VPS16: variants seen among roughly 807,000 people sequenced by gnomAD.
VPS16 encodes the protein VPS16 core subunit of CORVET and HOPS complexes, also known as vacuolar protein sorting-associated protein 16 homolog.
A neutral mutation model predicts 116.0 loss-of-function variants in VPS16; 82 were observed. The observed-to-expected ratio is 0.71, with a 90% CI of 0.59 to 0.85. The LOEUF (loss-of-function observed/expected upper bound fraction) is 0.85, where lower values mean the gene tolerates loss of function less well. Among genes scored for constraint, VPS16 ranks in the 40% least tolerant of loss-of-function variants. The pLI is 0.00. For missense variants in VPS16, 928 were observed against 1,090.6 expected, an observed-to-expected ratio of 0.85 and a Z score of 2.10; for synonymous variants, 406 against 420.7, an observed-to-expected ratio of 0.96 and a Z score of 0.43.
At position 2,860,878 on chromosome 20, in the gene VPS16, T is replaced by G; in HGVS notation, c.630+15T>G. 2 of 1,613,832 alleles carry G rather than the reference T, an allele frequency of 1.2e-6. No individual in the cohort carries two copies. The highest frequency in any genetic ancestry group is 1.7e-6 in the Non-Finnish European group (2 of 1,179,966). Reference sequence around the variant, plus strand: ...GCTCCGCAGTGGTAAGGGCCCTGAGTGGGAATGAAGTGGACGGGCTGGGTT... The same window carrying G: ...GCTCCGCAGTGGTAAGGGCCCTGAGGGGGAATGAAGTGGACGGGCTGGGTT... On this transcript the variant is annotated intron_variant, in intron 6 of 23. Transcript: ENST00000380445. The surrounding 1 kb of genome is among the most constrained non-coding windows in gnomAD (Gnocchi z 6.1).
At position 2,863,080 on chromosome 20, in the gene VPS16, C is replaced by T; in HGVS notation, c.1347C>T (p.Thr449=). The T allele has an allele frequency of 6.2e-7, 1 of 1,614,060 alleles. No homozygotes were observed. The highest frequency in any genetic ancestry group is 1.1e-5 in the South Asian group (1 of 91,088). ...PLTYSQYKQL[T]IQVLLDRLVL... ...GAAAATACAGATATAAGCAGCTCAC[C>T]ATCCAGGTGCTGCTGGACAGGTAGG... The change falls in exon 14 of 24, where the codon ACC becomes ACT. Residue 449 remains threonine (T), a synonymous_variant. Coordinates refer to ENST00000380445, the MANE Select transcript of VPS16 (RefSeq NM_022575.4). The surrounding 1 kb of genome is among the most constrained non-coding windows in gnomAD (Gnocchi z 4.4).
At position 2,860,763 on chromosome 20, in the gene VPS16, C is replaced by G. The variant is rs373557836; in HGVS notation, c.530C>G (p.Pro177Arg). Reference sequence around the variant, plus strand: ...CTGGCCATAGGTCTGCAAAGTGCACCCTCCTGCTGGACTGTGCTGTGCCAG... The same window carrying G: ...CTGGCCATAGGTCTGCAAAGTGCACGCTCCTGCTGGACTGTGCTGTGCCAG... ...MPEVPGLQSAPSCWTVLCQDR... is the reference protein window; with the variant it reads ...MPEVPGLQSARSCWTVLCQDR... Residue 177 changes from proline to arginine, a missense_variant, in exon 6 of 24, where the codon CCC becomes CGC. Physicochemically the swap from Pro to Arg is moderately radical, Grantham distance 103. Coordinates refer to ENST00000380445, the MANE Select transcript of VPS16 (RefSeq NM_022575.4). This position sits in a 1 kb window ranked among gnomAD's most constrained non-coding sequence, Gnocchi z 6.1. The G allele has an allele frequency of 5.6e-6, 9 of 1,613,938 alleles. No individual in the cohort carries two copies. The highest frequency in any genetic ancestry group is 5.5e-5 in the South Asian group (5 of 91,092).
chr20:2,841,813 A>T (rs2088978331), intron 1 of VPS16, among the ~76,000 whole-genome samples: 1 of 150,526 alleles, frequency 6.6e-6, no homozygotes, highest in Non-Finnish European at 1.5e-5. Flanking sequence ...GCTGGAGTGC[A>T]GGGGCACTCG....
Position 2,864,371 on chromosome 20 carries a change from C to A in VPS16, c.1727C>A (p.Thr576Lys). ...IESGDTDLVF[T>K]VLLHLKNELN... ...CCACCTTACTCTCCTGCAGTGTTCA[C>A]GGTGTTGCTGCACCTGAAGAACGAG... Residue 576 changes from threonine to lysine, a missense_variant, in exon 18 of 24, where the codon ACG becomes AAG. Physicochemically the swap from Thr to Lys is moderately conservative, Grantham distance 78 (BLOSUM62 -1). Coordinates refer to ENST00000380445, the MANE Select transcript of VPS16 (RefSeq NM_022575.4). This position sits in a 1 kb window ranked among gnomAD's most constrained non-coding sequence, Gnocchi z 5.2. The A allele has an allele frequency of 6.2e-7, 1 of 1,614,146 alleles. No individual in the cohort carries two copies. The highest frequency in any genetic ancestry group is 8.5e-7 in the Non-Finnish European group (1 of 1,180,030).
At chr20:2,847,459 C>G (rs2089071779) in intron 1 of VPS16, among the ~76,000 whole-genome samples, 1 of 149,340 alleles carries the variant, frequency 6.7e-6, no homozygotes, top group Admixed American at 6.7e-5. Context: ...CTCTGAAATG[C>G]TAAAATCAAA....
rs965322806 is a variant in VPS16, at chr20:2,864,722, C to T, written c.1926+68C>T. 5 of 1,536,362 alleles carry T rather than the reference C, an allele frequency of 3.3e-6. No individual in the cohort carries two copies. Among genetic ancestry groups the T allele is most frequent in the Non-Finnish European group, 4.5e-6 (5 of 1,117,492 alleles). On this transcript the variant is annotated intron_variant, in intron 19 of 23. Transcript: ENST00000380445. This position sits in a 1 kb window ranked among gnomAD's most constrained non-coding sequence, Gnocchi z 5.2. ...GCTGGGGCTGTTGGTCCGGTTCCTT[C>T]AGGAATCTAGGCCTTCGTGTTGGGT... is the stretch of plus-strand genomic sequence containing the variant.
chr20:2,855,506 GT>G (rs1163956539), intron 1 of VPS16, among the ~76,000 whole-genome samples: 28 of 152,228 alleles, frequency 1.8e-4, no homozygotes, highest in African/African-American at 6.7e-4. Flanking sequence ...CCCAACAAGA[GT>G]GTCAGCCCTG....
chr20:2,862,480 C>G, intron 11 of VPS16, 99 bp from the exon 12 acceptor site: 8 of 1,539,026 alleles, frequency 5.2e-6, no homozygotes, highest in Non-Finnish European at 6.1e-6. Flanking sequence ...TGCAGCTCCT[C>G]CAACCCAGCT....
Position 2,861,292 on chromosome 20 carries a change from G to A in VPS16, c.809+12G>A, listed in dbSNP as rs772937663. ...AAGCAGATGGTCTGGTAAGGATGGG[G>A]GTGTTATTGCTGGGGGTGTGGGTGA... On this transcript the variant is annotated intron_variant, in intron 8 of 23. Coordinates refer to ENST00000380445, the MANE Select transcript of VPS16 (RefSeq NM_022575.4). The A allele has an allele frequency of 2.0e-5, 32 of 1,613,836 alleles. No homozygotes were observed. The East Asian group carries it at 6.7e-4, about 34-fold the overall frequency.
intron 1 of VPS16, among the ~76,000 whole-genome samples, chr20:2,848,868 C>T (rs2089088025): frequency 6.6e-6 from 1 of 152,128 alleles, no homozygotes; most frequent in South Asian, 2.1e-4. Context: ...TAAGTCATTG[C>T]CCTCTCTGAA....
At chr20:2,848,475 C>G (rs1407701678) in intron 1 of VPS16, among the ~76,000 whole-genome samples, 1 of 152,214 alleles carries the variant, frequency 6.6e-6, no homozygotes, top group Middle Eastern at 3.2e-3. Context: ...ACTTCCACCT[C>G]TTGAATCTAG....
intron 1 of VPS16, among the ~76,000 whole-genome samples, chr20:2,853,579 AAGTC>A (rs2146655026): frequency 6.6e-6 from 1 of 152,244 alleles, no homozygotes; most frequent in East Asian, 1.9e-4. Context: ...GAACCCCTCA[AAGTC>A]ATCCATGAGG....
In VPS16 at chr20:2,863,240, C is replaced by G. The variant is rs1056042609; in HGVS notation, c.1368-50C>G. ...GTGCAGGCTGAGGCCACTCTGCTCC[C>G]TTTCTCCTCCACCTCACTCCTTGTA... On this transcript the variant is annotated intron_variant, in intron 14 of 23. Coordinates refer to ENST00000380445, the MANE Select transcript of VPS16 (RefSeq NM_022575.4). This position sits in a 1 kb window ranked among gnomAD's most constrained non-coding sequence, Gnocchi z 4.4. 3.1e-6 allele frequency: 5 copies of G among 1,612,594 alleles called. No homozygotes were observed. Among genetic ancestry groups the G allele is most frequent in the Non-Finnish European group, 4.2e-6 (5 of 1,178,904 alleles).
At chr20:2,859,543 G>A (rs2089204896) in intron 1 of VPS16, among the ~76,000 whole-genome samples, 176 bp from the exon 2 acceptor site, 1 of 152,166 alleles carries the variant, frequency 6.6e-6, no homozygotes, top group Non-Finnish European at 1.5e-5. Flanking sequence ...CATGCATGTG[G>A]TCAGTTCACC....
In VPS16 at chr20:2,863,890, C is replaced by T; in HGVS notation, c.1477-59C>T. 1 of 1,590,418 alleles carries T rather than the reference C, an allele frequency of 6.3e-7. No individual in the cohort carries two copies. The highest frequency in any genetic ancestry group is 8.6e-7 in the Non-Finnish European group (1 of 1,164,962). On this transcript the variant is annotated intron_variant, in intron 15 of 23. Coordinates refer to ENST00000380445, the MANE Select transcript of VPS16 (RefSeq NM_022575.4). This position sits in a 1 kb window ranked among gnomAD's most constrained non-coding sequence, Gnocchi z 4.4. ...TGAAGGGGTGGGTCCTAAGGGCTTG[C>T]AGGAGTGGAGAGTGAGGAATGGCAT...
In VPS16 at chr20:2,863,161, G is replaced by A. The variant is rs377400141; in HGVS notation, c.1367+61G>A. The A allele has an allele frequency of 6.0e-4, 969 of 1,613,286 alleles. 5 individuals are homozygous for A. The Middle Eastern group carries it at 7.4e-3, about 12-fold the overall frequency. On this transcript the variant is annotated intron_variant, in intron 14 of 23. Coordinates refer to ENST00000380445, the MANE Select transcript of VPS16 (RefSeq NM_022575.4). This position sits in a 1 kb window ranked among gnomAD's most constrained non-coding sequence, Gnocchi z 4.4. ...CAGGGGGGTGGGCATTACAGCCTTG[G>A]GTGGGGTCTTATGGTCACTGCTCCT...
At chr20:2,840,980 CT>C in intron 1 of VPS16, 153 bp downstream of exon 1, 1 of 721,894 alleles carries the variant, frequency 1.4e-6, no homozygotes. Context: ...GCACAGCCGC[CT>C]TTGGGCAGGG....
At chr20:2,849,740 A>T (rs762367788) in intron 1 of VPS16, among the ~76,000 whole-genome samples, 1 of 152,200 alleles carries the variant, frequency 6.6e-6, no homozygotes, top group Non-Finnish European at 1.5e-5. Flanking sequence ...AATCCATCCC[A>T]TGCCACCATC....
rs781207519 is a variant in VPS16, at chr20:2,862,623, G to A, written c.1116G>A (p.Glu372=). ...ACGAGTACCTGCGGGAGATCCAGGAGCTGGGCCAGCTGACCCAGGCCGTGC... is the reference window on the plus strand; with the variant it reads ...ACGAGTACCTGCGGGAGATCCAGGAACTGGGCCAGCTGACCCAGGCCGTGC... ...KADEYLREIQ[E]LGQLTQAVQQ... The change falls in exon 12 of 24, where the codon GAG becomes GAA. Residue 372 remains glutamate (E), a synonymous_variant. Transcript: ENST00000380445. The A allele has an allele frequency of 6.2e-7, 1 of 1,613,526 alleles. No individual in the cohort carries two copies. Among genetic ancestry groups the A allele is most frequent in the Non-Finnish European group, 8.5e-7 (1 of 1,179,942 alleles).
Sources: gnomAD v4.1 joint callset for allele counts (sites outside exome capture counted in the v4.1 genomes callset) on GRCh38, gnomAD v4.1.1 for gene constraint, Gnocchi (gnomAD v3.1) non-coding constraint, MANE v1.5 for transcripts, NCBI Gene and HGNC (gene_info 2026-07-23, HGNC 2026-07-21) for gene names.